The following METTL22 variants were observed in gnomAD, a reference collection of about 807,000 sequenced individuals.
METTL22 encodes methyltransferase 22, Kin17 lysine.
A neutral mutation model predicts 48.4 loss-of-function variants in METTL22; 51 were observed. That is an observed-to-expected ratio of 1.05 (90% confidence interval 0.84 to 1.33). The LOEUF is 1.33. METTL22 is among the 40% of genes most tolerant of loss of function. The pLI, the probability that METTL22 is intolerant of heterozygous loss-of-function variation, is 0.00. For missense variants in METTL22, 678 were observed against 526.9 expected (o/e 1.29, Z -2.81); for synonymous variants, 255 against 214.1 (o/e 1.19, Z -1.67).
chr16:8,657,905 C>T, the METTL22 span, among the ~76,000 whole-genome samples: 1 of 151,326 alleles, frequency 6.6e-6, no homozygotes, highest in Non-Finnish European at 1.5e-5. Flanking sequence ...CAGCCTCAAC[C>T]TCCTGGACTC....
chr16:8,629,101 A>G lies in METTL22; in HGVS notation c.505A>G (p.Ile169Val), dbSNP rs374899144. The G allele has an allele frequency of 6.8e-6, 11 of 1,612,464 alleles. No individual in the cohort carries two copies. In the African/African-American group the frequency reaches 1.2e-4, roughly 18 times the overall value. The change falls in exon 3 of 11, where the codon ATC becomes GTC. Residue 169 changes from isoleucine (I) to valine (V), a missense_variant. By Grantham distance (29) the Ile-to-Val change is conservative. Coordinates refer to ENST00000381920, the MANE Select transcript of METTL22 (RefSeq NM_024109.4). ...AGCACAAGGCAGCCCGCACGATATC[A>G]TCAGAATAGGTAAATAGAGGTGTGA... is the stretch of plus-strand genomic sequence containing the variant. Reference protein sequence around the residue: ...EEAQGSPHDIIRIEHTMATPL... With the variant: ...EEAQGSPHDIVRIEHTMATPL...
intron 9 of METTL22, chr16:8,643,000 A>G (rs539587384): frequency 5.2e-6 from 1 of 193,328 alleles, no homozygotes; most frequent in South Asian, 1.1e-4. Flanking sequence ...TCCTCACCCA[A>G]CAGCCTCACC....
At chr16:8,643,453 A>G (rs1280523616) in intron 9 of METTL22, among the ~76,000 whole-genome samples, 3 of 152,210 alleles carry the variant, frequency 2.0e-5, no homozygotes, top group Admixed American at 2.0e-4. Context: ...TTCTTGAGAC[A>G]CACACTGACA....
At chr16:8,658,362 T>C in the METTL22 span, among the ~76,000 whole-genome samples, 2 of 152,210 alleles carry the variant, frequency 1.3e-5, no homozygotes, top group African/African-American at 4.8e-5. Context: ...ATCCCCCAGT[T>C]TGTGGTCATT....
chr16:8,637,481 A>G (rs2056458330), intron 5 of METTL22, among the ~76,000 whole-genome samples: 1 of 152,242 alleles, frequency 6.6e-6, no homozygotes, highest in African/African-American at 2.4e-5. Flanking sequence ...TTCCAGTTGG[A>G]AAAGTCCTTT....
chr16:8,638,357 CA>C (rs2056488245), intron 5 of METTL22, among the ~76,000 whole-genome samples: 1 of 152,178 alleles, frequency 6.6e-6, no homozygotes, highest in Non-Finnish European at 1.5e-5. Flanking sequence ...ATTAACAAGA[CA>C]TCCTGTACTT....
At chr16:8,644,984 G>C (rs988642408) in intron 10 of METTL22, 3 of 321,294 alleles carry the variant, frequency 9.3e-6, no homozygotes, top group Admixed American at 5.1e-5. Context: ...CCCCCCGTTG[G>C]ACAGTTCAGA....
chr16:8,639,514 C>G (rs1016704008), intron 6 of METTL22: 32 of 272,360 alleles, frequency 1.2e-4, no homozygotes, highest in African/African-American at 6.4e-4. Flanking sequence ...GTCCACTTCA[C>G]TTGCTGCTGA....
chr16:8,623,638 T>A (rs2141672696), intron 1 of METTL22: 1 of 152,362 alleles, frequency 6.6e-6, no homozygotes, highest in African/African-American at 2.4e-5. Flanking sequence ...TTTGCCAGAT[T>A]CACAGACTTT....
In METTL22 at chr16:8,644,539, C is replaced by G. The variant is rs370223411; in HGVS notation, c.1011-18C>G. On this transcript the variant is annotated intron_variant, in intron 9 of 10. Transcript: ENST00000381920. ...CATTGATGATGGCAGTTTGTGCGTC[C>G]GACTGGCTGGTTTGCAGGCTCAACT... The G allele has an allele frequency of 2.0e-6, 3 of 1,528,012 alleles. No homozygotes were observed. The highest frequency in any genetic ancestry group is 2.6e-6 in the Non-Finnish European group (3 of 1,132,604). 94.7% of individuals were successfully genotyped at this position (1,528,012 alleles called of 1,614,324 possible). A position where few individuals can be genotyped will look rare whatever the true frequency, so the allele number is the denominator to read the frequency against.
chr16:8,633,836 T>C (rs1188044658), intron 3 of METTL22, among the ~76,000 whole-genome samples: 1 of 152,256 alleles, frequency 6.6e-6, no homozygotes, highest in African/African-American at 2.4e-5. Context: ...ACAGTAATGC[T>C]GAACCTTAGT....
chr16:8,644,376 G>C, intron 9 of METTL22, 181 bp from the exon 10 acceptor site: 1 of 576,422 alleles, frequency 1.7e-6, no homozygotes, highest in Non-Finnish European at 3.0e-6. Context: ...TCCACCTCCT[G>C]GGCTGTCGTG....
In METTL22 at chr16:8,646,987, A is replaced by G. The variant is rs2056815356; in HGVS notation, c.*844A>G. 3.1e-6 allele frequency: 1 copy of G among 324,652 alleles called. No individual in the cohort carries two copies. Among genetic ancestry groups the G allele is most frequent in the East Asian group, 8.0e-5 (1 of 12,460 alleles). The allele number at this position is 324,652 out of a possible 1,614,324, so 20.1% of individuals were successfully genotyped here. A position where few individuals can be genotyped will look rare whatever the true frequency, so the allele number is the denominator to read the frequency against. ...TCTCCTTCTCTCCAGTTTTGGTCCC[A>G]TCTTCCTGCTACCCTTGGCCCTCCC... is the stretch of plus-strand genomic sequence containing the variant. On this transcript the variant is annotated 3_prime_UTR_variant, in exon 11 of 11. Transcript: ENST00000381920.
At chr16:8,658,219 C>G in the METTL22 span, among the ~76,000 whole-genome samples, 1 of 152,118 alleles carries the variant, frequency 6.6e-6, no homozygotes, top group Non-Finnish European at 1.5e-5. Context: ...GAAGGAGCAC[C>G]CGGGATCACC....
chr16:8,659,291 T>A, the METTL22 span, among the ~76,000 whole-genome samples: 39,705 of 150,500 alleles, frequency 0.26, 6,328 homozygotes, highest in African/African-American at 0.46. Flanking sequence ...AGATTGCGCC[T>A]CTGTACTCTA....
downstream of METTL22, among the ~76,000 whole-genome samples, chr16:8,653,229 A>G (rs995854009): frequency 2.6e-4 from 39 of 152,330 alleles, no homozygotes; most frequent in African/African-American, 8.9e-4. Context: ...AGACTGATGA[A>G]TCACTCTGAC....
At chr16:8,666,526 C>G in the METTL22 span, among the ~76,000 whole-genome samples, 1 of 152,290 alleles carries the variant, frequency 6.6e-6, no homozygotes, top group Middle Eastern at 3.4e-3. Flanking sequence ...TTACTACATG[C>G]CAGCCACTGC....
intron 6 of METTL22, among the ~76,000 whole-genome samples, 177 bp from the exon 7 acceptor site, chr16:8,640,954 A>C (rs62030897): frequency 0.54 from 17,726 of 32,754 alleles, 5,188 homozygotes; most frequent in Middle Eastern, 0.57. Flanking sequence ...GGGTGGGTGG[A>C]TGGCTGGCTG....
At chr16:8,646,025 T>TTTCCTGCTCCG (rs2056789588) in intron 10 of METTL22, 83 bp from the exon 11 acceptor site, 4 of 1,598,892 alleles carry the variant, frequency 2.5e-6, no homozygotes, top group East Asian at 2.2e-5. Context: ...ACTACTCTCC[T>TTTCCTGCTCCG]TGGTGAATCA....
Sources: gnomAD v4.1 joint callset for allele counts (sites outside exome capture counted in the v4.1 genomes callset) on GRCh38, gnomAD v4.1.1 for gene constraint, MANE v1.5 for transcripts, NCBI Gene and HGNC (gene_info 2026-07-23, HGNC 2026-07-21) for gene names.